The following CNTN3 variants were observed in gnomAD, a reference collection of about 807,000 sequenced individuals.
CNTN3 encodes the protein contactin 3.
A neutral mutation model predicts 119.1 loss-of-function variants in CNTN3; 60 were observed. The ratio of observed to expected loss-of-function variants is 0.50; its 90% CI spans 0.41 to 0.62. The LOEUF (loss-of-function observed/expected upper bound fraction) is 0.62. CNTN3 is among the 20% of genes least tolerant of loss of function. CNTN3 has a pLI of 0.00. For missense variants in CNTN3, 1,101 were observed against 1,242.4 expected, an observed-to-expected ratio of 0.89 and a Z score of 1.71; for synonymous variants, 450 against 438.7, an observed-to-expected ratio of 1.03 and a Z score of -0.32.
chr3:74,589,770 T>C (rs1223014473), intron 1 of CNTN3, among the ~76,000 whole-genome samples: 3 of 151,448 alleles, frequency 2.0e-5, no homozygotes, highest in Non-Finnish European at 4.4e-5. Flanking sequence ...TGGGATACTA[T>C]GCAGCCATAA....
rs752951307 is a variant in CNTN3 at position 74,408,026 on chromosome 3, C to T, written c.454+16819G>A. ...TAACCTTTCTTTGACCTGATGTTTT[C>T]CAGCTTAGCCAGAATGGCCCAGACA... On this transcript the variant is annotated intron_variant, in intron 5 of 22. Transcript: ENST00000263665. 8.2e-4 allele frequency among the ~76,000 whole-genome samples: 125 copies of T among 152,158 alleles called. 1 individual carries two copies. The highest frequency in any genetic ancestry group is 3.1e-4 in the Non-Finnish European group (21 of 68,020).
At chr3:74,361,576 G>A (rs897234229) in intron 11 of CNTN3, among the ~76,000 whole-genome samples, 3 of 152,200 alleles carry the variant, frequency 2.0e-5, no homozygotes, top group Non-Finnish European at 4.4e-5. Flanking sequence ...GTCCTGGGAT[G>A]TGGATCTGCT....
At chr3:74,599,144 T>C (rs990458222) in intron 1 of CNTN3, among the ~76,000 whole-genome samples, 6 of 151,976 alleles carry the variant, frequency 3.9e-5, no homozygotes, top group Non-Finnish European at 7.4e-5. Context: ...CAGGGAGAGA[T>C]CATGAGTGGT....
intron 8 of CNTN3, among the ~76,000 whole-genome samples, chr3:74,366,847 T>A (rs1412746330): frequency 7.4e-6 from 1 of 134,464 alleles, no homozygotes; most frequent in African/African-American, 2.8e-5. Flanking sequence ...ACCAAATCAC[T>A]TCTCTCTATA....
At chr3:74,501,675 C>T (rs950718540) in intron 2 of CNTN3, among the ~76,000 whole-genome samples, 2 of 151,988 alleles carry the variant, frequency 1.3e-5, no homozygotes, top group African/African-American at 4.8e-5. Context: ...ACGACATCAC[C>T]ACACAATTAG....
chr3:74,450,016 T>C (rs564782360), intron 4 of CNTN3, among the ~76,000 whole-genome samples: 1 of 152,130 alleles, frequency 6.6e-6, no homozygotes, highest in Non-Finnish European at 1.5e-5. Context: ...AATAGCAAGA[T>C]AATGAATCAA....
At chr3:74,316,709 A>G (rs1702838187) in intron 13 of CNTN3, among the ~76,000 whole-genome samples, 1 of 152,106 alleles carries the variant, frequency 6.6e-6, no homozygotes, top group Non-Finnish European at 1.5e-5. Context: ...GCAGATCACG[A>G]GGTCAGGAGA....
chr3:74,461,416 T>C (rs1390851383), intron 4 of CNTN3, among the ~76,000 whole-genome samples: 6 of 152,114 alleles, frequency 3.9e-5, no homozygotes, highest in Non-Finnish European at 5.9e-5. Context: ...CTTGTTCTTC[T>C]ATCCCCTAAA....
intron 4 of CNTN3, among the ~76,000 whole-genome samples, chr3:74,449,943 T>C (rs1475436880): frequency 1.3e-5 from 2 of 152,160 alleles, no homozygotes; most frequent in Admixed American, 6.6e-5. Flanking sequence ...AAAAAGCATG[T>C]TAAAGTACAT....
At chr3:74,458,624 T>C (rs1702311214) in intron 4 of CNTN3, among the ~76,000 whole-genome samples, 1 of 152,012 alleles carries the variant, frequency 6.6e-6, no homozygotes, top group Admixed American at 6.6e-5. Context: ...TCTATTTATA[T>C]GACCTTCTGG....
chr3:74,349,461 A>G (rs1378289679), intron 11 of CNTN3, among the ~76,000 whole-genome samples: 2 of 152,232 alleles, frequency 1.3e-5, no homozygotes, highest in African/African-American at 2.4e-5. Flanking sequence ...AAGAAAAGAC[A>G]TTCCAGCCAG....
At chr3:74,268,354 G>A (rs1250616638) in intron 20 of CNTN3, among the ~76,000 whole-genome samples, 2 of 152,116 alleles carry the variant, frequency 1.3e-5, no homozygotes, top group East Asian at 3.9e-4. Flanking sequence ...TGTTATATTT[G>A]TAGATTTAAC....
At chr3:74,608,913 G>A (rs1052063045) in intron 1 of CNTN3, among the ~76,000 whole-genome samples, 1 of 152,176 alleles carries the variant, frequency 6.6e-6, no homozygotes, top group Non-Finnish European at 1.5e-5. Flanking sequence ...TAGCATAGAG[G>A]TCAAACCTAG....
chr3:74,607,655 A>G (rs1705015530), intron 1 of CNTN3, among the ~76,000 whole-genome samples: 1 of 152,190 alleles, frequency 6.6e-6, no homozygotes, highest in Non-Finnish European at 1.5e-5. Flanking sequence ...AAATCCCAAG[A>G]TTTCCATTTC....
intron 5 of CNTN3, among the ~76,000 whole-genome samples, chr3:74,415,543 A>T (rs974479202): frequency 6.6e-6 from 1 of 152,194 alleles, no homozygotes; most frequent in Non-Finnish European, 1.5e-5. Context: ...TACTACATAC[A>T]TACACACATA....
intron 11 of CNTN3, among the ~76,000 whole-genome samples, chr3:74,346,884 A>G (rs1309482962): frequency 6.6e-6 from 1 of 152,142 alleles, no homozygotes; most frequent in African/African-American, 2.4e-5. Context: ...TTTAATAGAA[A>G]GCCTCAAGTA....
At chr3:74,427,181 T>C (rs1480808943) in intron 4 of CNTN3, among the ~76,000 whole-genome samples, 1 of 152,226 alleles carries the variant, frequency 6.6e-6, no homozygotes, top group African/African-American at 2.4e-5. Flanking sequence ...GGCCGGTTCA[T>C]GGACGTAGCA....
intron 9 of CNTN3, among the ~76,000 whole-genome samples, chr3:74,365,052 G>A (rs1231433169): frequency 6.6e-6 from 1 of 152,056 alleles, no homozygotes; most frequent in African/African-American, 2.4e-5. Context: ...ATTTACCAGA[G>A]TTTCTAGGTA....
rs568489772 is a variant in CNTN3 at position 74,479,826 on chromosome 3, CAAG to C, written c.358+6627_358+6629del. On this transcript the variant is annotated intron_variant, in intron 4 of 22. Coordinates refer to ENST00000263665, the MANE Select transcript of CNTN3 (RefSeq NM_020872.3). ...CTGATGGCTCTAGGATATAATTCTC[CAAG>C]AAGATAAAACTAACAGAATATCTGA... Among the ~76,000 whole-genome samples the C allele has an allele frequency of 3.5e-4, 53 of 152,018 alleles. 1 individual carries two copies. In the East Asian group the frequency reaches 9.3e-3, roughly 27 times the overall value.
Sources: allele counts gnomAD v4.1 joint callset (sites outside exome capture counted in the v4.1 genomes callset), GRCh38; gene constraint gnomAD v4.1.1; transcripts MANE v1.5; gene names NCBI Gene and HGNC (gene_info 2026-07-23, HGNC 2026-07-21).